PLXDC1: variants seen among roughly 807,000 people sequenced by gnomAD.
The protein encoded by PLXDC1 is plexin domain-containing protein 1.
Under a neutral mutation model 61.3 loss-of-function variants are expected in PLXDC1, and 39 were observed. The observed-to-expected ratio is 0.64, with a 90% CI of 0.49 to 0.83. The LOEUF is 0.83. Among genes scored for constraint, PLXDC1 ranks in the 40% least tolerant of loss-of-function variants. The pLI is 0.00. For missense variants in PLXDC1, 596 were observed against 666.5 expected, an observed-to-expected ratio of 0.89 and a Z score of 1.17; for synonymous variants, 212 against 254.5, an observed-to-expected ratio of 0.83 and a Z score of 1.59.
At chr17:39,127,835 G>A (rs112085454) in intron 2 of PLXDC1, among the ~76,000 whole-genome samples, 32,946 of 148,892 alleles carry the variant, frequency 0.22, 4,407 homozygotes, top group East Asian at 0.38. Context: ...GCGGGCGCCT[G>A]TAGTCCCAGC....
intron 7 of PLXDC1, among the ~76,000 whole-genome samples, chr17:39,092,494 G>A (rs573271513): frequency 6.6e-5 from 10 of 152,336 alleles, no homozygotes; most frequent in Admixed American, 1.3e-4. Flanking sequence ...TCAGCATGTC[G>A]GTGCAGACAC....
intron 2 of PLXDC1, among the ~76,000 whole-genome samples, chr17:39,128,117 A>ATATATATATG (rs1555573190): frequency 0.022 from 2,087 of 96,344 alleles, 140 homozygotes; most frequent in African/African-American, 0.035. Context: ...ATATATATGT[A>ATATATATATG]TATATATATG....
chr17:39,119,443 T>A (rs997135617), intron 2 of PLXDC1, among the ~76,000 whole-genome samples: 12 of 152,182 alleles, frequency 7.9e-5, no homozygotes, highest in African/African-American at 2.4e-4. Context: ...CAATTATTTG[T>A]CAATTAAAAA....
At chr17:39,125,255 C>T (rs1011778971) in intron 2 of PLXDC1, among the ~76,000 whole-genome samples, 2 of 152,196 alleles carry the variant, frequency 1.3e-5, no homozygotes, top group Non-Finnish European at 2.9e-5. Flanking sequence ...GAAGTATGTC[C>T]CCTGGTATAA....
intron 7 of PLXDC1, among the ~76,000 whole-genome samples, chr17:39,102,744 A>ACACACACACACT (rs1491541593): frequency 2.2e-5 from 2 of 92,764 alleles, no homozygotes; most frequent in East Asian, 2.3e-4. Context: ...ACACACACTC[A>ACACACACACACT]CTCACCTGAA....
chr17:39,087,569 A>C, intron 8 of PLXDC1, 38 bp downstream of exon 8: 1 of 1,487,480 alleles, frequency 6.7e-7, no homozygotes, highest in Non-Finnish European at 9.4e-7. Flanking sequence ...GCTTGACTCC[A>C]GAGCTCTTTC....
upstream of PLXDC1, chr17:39,152,541 C>T: frequency 8.0e-7 from 1 of 1,244,578 alleles, no homozygotes. Flanking sequence ...CCTCCCCTGA[C>T]CTACTTCGTT....
At chr17:39,152,120 C>T (rs1261492129), upstream of PLXDC1, among the ~76,000 whole-genome samples, 1 of 146,964 alleles carries the variant, frequency 6.8e-6, no homozygotes, top group African/African-American at 2.5e-5. Flanking sequence ...CAAAGACCCC[C>T]AGCTTTTCTC....
chr17:39,085,046 CAACT>C (rs1286583222), intron 8 of PLXDC1, among the ~76,000 whole-genome samples: 1 of 152,248 alleles, frequency 6.6e-6, no homozygotes, highest in Non-Finnish European at 1.5e-5. Flanking sequence ...CAAGAAGTGA[CAACT>C]AACAACAGAA....
intron 2 of PLXDC1, among the ~76,000 whole-genome samples, chr17:39,118,112 C>T (rs11654710): frequency 1.2e-5 from 1 of 85,314 alleles, no homozygotes. Flanking sequence ...CTTCCTTCCT[C>T]TCTCTCTCTC....
In PLXDC1 at chr17:39,108,187, C is replaced by G; in HGVS notation, c.528G>C (p.Ala176=). Residue 176 remains alanine (A), a synonymous_variant, in exon 5 of 14, where the codon GCG becomes GCC. Transcript: ENST00000315392. ...HRMLTATQYV[A]PLMANFNPGY... ...CAGGGTTGAAGTTGGCCATCAGGGG[C>G]GCCACATACTGAGTAGCTGTGAGCA... 6.2e-7 allele frequency: 1 copy of G among 1,614,060 alleles called. No individual in the cohort carries two copies. The highest frequency in any genetic ancestry group is 8.5e-7 in the Non-Finnish European group (1 of 1,179,946).
chr17:39,129,711 G>GAATGAAAGAAAGAAAGAAAGAAAGAAA (rs1249381083), intron 2 of PLXDC1, among the ~76,000 whole-genome samples: 1 of 108,256 alleles, frequency 9.2e-6, no homozygotes, highest in African/African-American at 3.6e-5. Flanking sequence ...AAAGAAAGAA[G>GAATGAAAGAAAGAAAGAAAGAAAGAAA]GAAAGAAAGA....
intron 7 of PLXDC1, among the ~76,000 whole-genome samples, chr17:39,098,549 G>C (rs1051698173): frequency 1.3e-5 from 2 of 152,188 alleles, no homozygotes; most frequent in Non-Finnish European, 2.9e-5. Flanking sequence ...TTCACACCTA[G>C]CTGGGGAGGA....
At chr17:39,152,782 A>G (rs965114516), upstream of PLXDC1, 2 of 814,478 alleles carry the variant, frequency 2.5e-6, no homozygotes, top group Non-Finnish European at 3.3e-6. Flanking sequence ...AAAAAAAAAA[A>G]AAGAAAAGAA....
In PLXDC1 at chr17:39,108,160, G is replaced by A. The variant is rs755755297; in HGVS notation, c.555C>T (p.Gly185=). 6.2e-7 allele frequency: 1 copy of A among 1,614,174 alleles called. No homozygotes were observed. Among genetic ancestry groups the A allele is most frequent in the Non-Finnish European group, 8.5e-7 (1 of 1,180,000 alleles). The change falls in exon 5 of 14, where the codon GGC becomes GGT. Residue 185 remains glycine (G), a synonymous_variant. Coordinates refer to ENST00000315392, the MANE Select transcript of PLXDC1 (RefSeq NM_020405.5). The stretch of plus-strand genomic sequence containing the variant: ...AAACAACTGTGGAGTTGTCGGAGTA[G>A]CCAGGGTTGAAGTTGGCCATCAGGG... ...VAPLMANFNP[G]YSDNSTVVYF... is the part of the protein sequence containing the mutation.
chr17:39,139,917 C>A (rs1343836220), intron 1 of PLXDC1, 85 bp from the exon 2 acceptor site: 3 of 1,315,106 alleles, frequency 2.3e-6, no homozygotes, highest in Non-Finnish European at 3.1e-6. Context: ...TCTGCAAGGG[C>A]CCCAACACCA....
intron 13 of PLXDC1, among the ~76,000 whole-genome samples, chr17:39,068,247 C>T (rs1000265804): frequency 6.6e-6 from 1 of 152,212 alleles, no homozygotes; most frequent in African/African-American, 2.4e-5. Context: ...CAGCAATACA[C>T]CAAGTGGAGA....
At chr17:39,150,259 C>T (rs1388232584) in intron 1 of PLXDC1, among the ~76,000 whole-genome samples, 1 of 152,078 alleles carries the variant, frequency 6.6e-6, no homozygotes, top group Non-Finnish European at 1.5e-5. Context: ...CCACCCCCAA[C>T]ATACTCTTCT....
intron 2 of PLXDC1, among the ~76,000 whole-genome samples, chr17:39,117,107 T>A (rs1910995502): frequency 6.6e-6 from 1 of 152,224 alleles, no homozygotes; most frequent in African/African-American, 2.4e-5. Flanking sequence ...CTTTCTTCTC[T>A]GCCACTTTCA....
Sources: gnomAD v4.1 joint callset for allele counts (sites outside exome capture counted in the v4.1 genomes callset) on GRCh38, gnomAD v4.1.1 for gene constraint, MANE v1.5 for transcripts, NCBI Gene and HGNC (gene_info 2026-07-23, HGNC 2026-07-21) for gene names.